The following POLQ variants were observed in gnomAD, a reference collection of about 807,000 sequenced individuals.
POLQ encodes DNA polymerase theta, also known as epididymis secretory sperm binding protein.
In POLQ, 233 loss-of-function variants were observed where a neutral mutation model predicts 259.2. That is an observed-to-expected ratio of 0.90 (90% CI 0.81 to 1.00). The LOEUF (loss-of-function observed/expected upper bound fraction) is 1.00, where lower values mean the gene tolerates loss of function less well. Among genes scored for constraint, POLQ ranks in the 50% least tolerant of loss-of-function variants. The pLI is 0.00. For missense variants in POLQ, 2,871 were observed against 3,051.6 expected (o/e 0.94, Z 1.39); for synonymous variants, 1,025 against 1,048.8 (o/e 0.98, Z 0.44).
Position 121,509,553 on chromosome 3 carries a change from G to C in POLQ, c.1959+8C>G, listed in dbSNP as rs41544013. 0.048 allele frequency: 76,881 copies of C among 1,604,290 alleles called. 2,211 individuals carry two copies. The highest frequency in any genetic ancestry group is 0.072 in the Middle Eastern group (434 of 6,028). ...TTTCACAAACATAATTGTTAAAACA[G>C]AACTTACCAGATAGAGAATATGAAG... On this transcript the variant is annotated splice_region_variant and intron_variant, in intron 12 of 29. Coordinates refer to ENST00000264233, the MANE Select transcript of POLQ (RefSeq NM_199420.4).
intron 6 of POLQ, among the ~76,000 whole-genome samples, chr3:121,531,632 G>A (rs2048412418): frequency 6.6e-6 from 1 of 152,338 alleles, no homozygotes; most frequent in Non-Finnish European, 1.5e-5. Context: ...ACTAGCTCCT[G>A]TAAGCACAGA....
chr3:121,515,600 A>G (rs2048289371), intron 9 of POLQ, among the ~76,000 whole-genome samples: 1 of 152,216 alleles, frequency 6.6e-6, no homozygotes, highest in South Asian at 2.1e-4. Flanking sequence ...CAGCCCAACT[A>G]TCTACAGAAT....
At chr3:121,506,119 TCTCA>T (rs781037677) in intron 12 of POLQ, among the ~76,000 whole-genome samples, 50 of 151,492 alleles carry the variant, frequency 3.3e-4, no homozygotes, top group African/African-American at 1.2e-3. Context: ...AAAAAAAATT[TCTCA>T]CTAATTCAAA....
At chr3:121,456,068 C>T (rs548563108) in intron 25 of POLQ, among the ~76,000 whole-genome samples, 2 of 152,122 alleles carry the variant, frequency 1.3e-5, no homozygotes, top group African/African-American at 4.8e-5. Context: ...GGATGCAAGG[C>T]TGGTTCAATA....
Position 121,493,825 on chromosome 3 carries a change from T to G in POLQ, c.2279-104A>C, listed in dbSNP as rs570690920. ...TTTCTTTTGTTTTTTCCCTGCAAAA[T>G]TGTAAGATTTAACAAGGCCCAAGGT... On this transcript the variant is annotated intron_variant, in intron 14 of 29. Transcript: ENST00000264233. 2.7e-6 allele frequency: 3 copies of G among 1,105,412 alleles called. No homozygotes were observed. In the East Asian group the frequency reaches 7.7e-5, roughly 28 times the overall value. 68.5% of individuals were successfully genotyped at this position (1,105,412 alleles called of 1,614,324 possible).
intron 25 of POLQ, among the ~76,000 whole-genome samples, chr3:121,450,914 TTTCAGGTACACCAATCAGGTGTAGA>T (rs2047669969): frequency 6.6e-6 from 1 of 152,222 alleles, no homozygotes; most frequent in Non-Finnish European, 1.5e-5. Context: ...TCCCGGTCAC[TTTCAGGTACACCAATCAGGTGTAGA>T]TTTGGTCTTT....
At chr3:121,498,822 A>T in intron 12 of POLQ, 152 bp from the exon 13 acceptor site, 1 of 612,352 alleles carries the variant, frequency 1.6e-6, no homozygotes, top group Non-Finnish European at 2.8e-6. Context: ...GATTGCTTGA[A>T]CCCAAAAGTT....
intron 12 of POLQ, among the ~76,000 whole-genome samples, chr3:121,500,416 G>A (rs1324659018): frequency 6.6e-6 from 1 of 152,238 alleles, no homozygotes; most frequent in African/African-American, 2.4e-5. Flanking sequence ...AAAGGCGTGA[G>A]CCACCAAACC....
rs1317411083 is a variant in POLQ at position 121,541,505 on chromosome 3, T to A, written c.344-26A>T. On this transcript the variant is annotated intron_variant, in intron 2 of 29. Transcript: ENST00000264233. ...CTAAAACATGATTATTCCACAAGATTATAAGAAAAAAGTAATATTCGGTAC... is the reference window on the plus strand; with the variant it reads ...CTAAAACATGATTATTCCACAAGATAATAAGAAAAAAGTAATATTCGGTAC... 3 of 1,570,736 alleles carry A rather than the reference T, an allele frequency of 1.9e-6. No homozygotes were observed. The Admixed American group carries it at 5.9e-5, about 31-fold the overall frequency.
At chr3:121,505,589 C>T (rs1225780358) in intron 12 of POLQ, among the ~76,000 whole-genome samples, 2 of 152,032 alleles carry the variant, frequency 1.3e-5, no homozygotes, top group Non-Finnish European at 1.5e-5. Context: ...ATAAAAGTTG[C>T]CATCTTGAGT....
At chr3:121,524,239 G>A (rs2048357249) in intron 7 of POLQ, among the ~76,000 whole-genome samples, 1 of 152,180 alleles carries the variant, frequency 6.6e-6, no homozygotes, top group African/African-American at 2.4e-5. Context: ...CAGTTAAGGG[G>A]AAACTGGAAG....
At chr3:121,499,873 A>G (rs2048153841) in intron 12 of POLQ, among the ~76,000 whole-genome samples, 1 of 152,264 alleles carries the variant, frequency 6.6e-6, no homozygotes, top group Non-Finnish European at 1.5e-5. Context: ...GGTAAAAACA[A>G]AAACAAAAAC....
chr3:121,455,754 C>G (rs1211794439), intron 25 of POLQ, among the ~76,000 whole-genome samples: 4 of 152,134 alleles, frequency 2.6e-5, no homozygotes, highest in African/African-American at 7.2e-5. Flanking sequence ...AGCTTACCAA[C>G]CAAAAAGAGT....
intron 7 of POLQ, among the ~76,000 whole-genome samples, chr3:121,528,503 C>G (rs2048388203): frequency 6.6e-6 from 1 of 151,980 alleles, no homozygotes; most frequent in African/African-American, 2.4e-5. Flanking sequence ...ACCACCACAC[C>G]CAGCTAATTT....
intron 25 of POLQ, among the ~76,000 whole-genome samples, chr3:121,452,472 C>CT (rs1184334288): frequency 2.0e-5 from 3 of 146,836 alleles, no homozygotes; most frequent in African/African-American, 7.5e-5. Context: ...TCTTTTTCAC[C>CT]TTTTTTTTGT....
intron 5 of POLQ, among the ~76,000 whole-genome samples, chr3:121,536,395 C>T (rs2048450757): frequency 6.6e-6 from 1 of 151,970 alleles, no homozygotes; most frequent in Non-Finnish European, 1.5e-5. Flanking sequence ...TAAGTAGCCA[C>T]AATTAGAGAT....
chr3:121,434,224 T>C (rs543284920), intron 28 of POLQ, among the ~76,000 whole-genome samples: 1 of 152,226 alleles, frequency 6.6e-6, no homozygotes, highest in Non-Finnish European at 1.5e-5. Context: ...CATGCTCACC[T>C]TCCTTTCATC....
In POLQ at chr3:121,488,430, T is replaced by C. The variant is rs1478634571; in HGVS notation, c.4501A>G (p.Lys1501Glu). 2 of 1,612,790 alleles carry C rather than the reference T, an allele frequency of 1.2e-6. No individual in the cohort carries two copies. The highest frequency in any genetic ancestry group is 3.3e-5 in the Admixed American group (2 of 59,850). Residue 1501 changes from lysine (K) to glutamate (E), a missense_variant, in exon 16 of 30, where the codon AAA becomes GAA. Physicochemically the swap from Lys to Glu is moderately conservative, Grantham distance 56. Around this residue, in one of 3 missense-constraint regions of POLQ, gnomAD observed 2,080 missense variants for 2,126.0 expected, o/e 0.98. Coordinates refer to ENST00000264233, the MANE Select transcript of POLQ (RefSeq NM_199420.4). ...FDSFSDDYLV[K>E]EQLPDMQMKE... ...ATTTGCATATCAGGTAATTGTTCTT[T>C]TACTAGATAGTCATCACTGAAGCTA...
intron 5 of POLQ, 58 bp from the exon 6 acceptor site, chr3:121,533,267 GTTGCTAACAA>G: frequency 8.9e-7 from 1 of 1,129,170 alleles, no homozygotes; most frequent in Non-Finnish European, 1.2e-6. Context: ...AATAATTAGT[GTTGCTAACAA>G]TATTCTTGGT....
Sources: allele counts gnomAD v4.1 joint callset (sites outside exome capture counted in the v4.1 genomes callset), GRCh38; gene constraint gnomAD v4.1.1; regional missense constraint gnomAD v4.1.1; transcripts MANE v1.5; gene names NCBI Gene and HGNC (gene_info 2026-07-23, HGNC 2026-07-21).